Variants in ROBO2 observed in about 807,000 individuals in gnomAD.
ROBO2 encodes the protein roundabout guidance receptor 2.
Under a neutral mutation model 160.8 loss-of-function variants are expected in ROBO2, and 53 were observed. The observed-to-expected ratio is 0.33, with a 90% CI of 0.26 to 0.41. The LOEUF (loss-of-function observed/expected upper bound fraction) is 0.41, where lower values mean the gene tolerates loss of function less well. ROBO2 is among the 10% of genes least tolerant of loss of function. The pLI is 1.00. For missense variants in ROBO2, 1,577 were observed against 1,722.4 expected (o/e 0.92, Z 1.49); for synonymous variants, 664 against 611.7 (o/e 1.09, Z -1.26).
chr3:77,155,448 C>A (rs914412167), intron 2 of ROBO2, among the ~76,000 whole-genome samples: 1 of 151,920 alleles, frequency 6.6e-6, no homozygotes, highest in African/African-American at 2.4e-5. Context: ...AAAGTGCCTG[C>A]CAACCAGGAA....
chr3:76,921,901 T>A (rs997309918), intron 2 of ROBO2, among the ~76,000 whole-genome samples: 2 of 152,210 alleles, frequency 1.3e-5, no homozygotes, highest in African/African-American at 4.8e-5. Context: ...TAAAATGCAT[T>A]GAGATGTGAA....
intron 2 of ROBO2, among the ~76,000 whole-genome samples, chr3:77,145,874 T>A (rs2077080318): frequency 6.6e-6 from 1 of 152,198 alleles, no homozygotes; most frequent in East Asian, 1.9e-4. Flanking sequence ...TGCTGTTTGT[T>A]GGTTGAACAT....
intron 2 of ROBO2, among the ~76,000 whole-genome samples, chr3:76,012,325 A>T (rs1240900947): frequency 2.6e-5 from 4 of 152,192 alleles, no homozygotes; most frequent in Non-Finnish European, 5.9e-5. Context: ...ATTTAAAGGA[A>T]AACTGTAACT....
chr3:77,572,582 G>A lies in ROBO2; in HGVS notation c.1972-1917G>A, dbSNP rs2093663474. ...GTGAGAAAGCTTTCAGGTGGGTGAA[G>A]GAATTCATTCTTGTTGAGACTTATC... On this transcript the variant is annotated intron_variant, in intron 13 of 25. Coordinates refer to ENST00000461745, the Ensembl canonical transcript of ROBO2. Among the ~76,000 whole-genome samples the A allele has an allele frequency of 4.0e-5, 6 of 150,598 alleles. No homozygotes were observed. The Admixed American group carries it at 4.0e-4, about 10-fold the overall frequency.
chr3:75,991,714 C>T (rs1354101561), intron 2 of ROBO2, among the ~76,000 whole-genome samples: 1 of 151,978 alleles, frequency 6.6e-6, no homozygotes, highest in Admixed American at 6.6e-5. Context: ...GAGGTTGGAA[C>T]AGTTGGGAGG....
intron 2 of ROBO2, among the ~76,000 whole-genome samples, chr3:77,338,485 C>T (rs539180176): frequency 5.9e-5 from 9 of 152,140 alleles, no homozygotes; most frequent in East Asian, 1.9e-4. Context: ...AAAGATAAAA[C>T]GCAGAAAGCA....
intron 2 of ROBO2, among the ~76,000 whole-genome samples, chr3:77,254,680 T>G (rs1345823154): frequency 6.6e-6 from 1 of 152,216 alleles, no homozygotes; most frequent in African/African-American, 2.4e-5. Context: ...CAAACAAGAT[T>G]GAGAAGTTAA....
At chr3:77,003,202 A>G (rs115214924) in intron 2 of ROBO2, among the ~76,000 whole-genome samples, 5,416 of 152,286 alleles carry the variant, frequency 0.036, 314 homozygotes, top group African/African-American at 0.12. Context: ...AATAAGAATC[A>G]GCACATTACT....
chr3:77,161,483 T>G (rs946997515), intron 2 of ROBO2, among the ~76,000 whole-genome samples: 2 of 152,216 alleles, frequency 1.3e-5, no homozygotes, highest in African/African-American at 4.8e-5. Context: ...AAACTAAGGT[T>G]AAAAGATTTT....
In ROBO2 at chr3:77,018,164, G is replaced by A. The variant is rs538272519; in HGVS notation, c.110-79850G>A. ...GTCGCCCAGGCTGGAGTGCAGTGGC[G>A]CAATCTCAGCTCACCACAAACCCAG... On this transcript the variant is annotated intron_variant, in intron 2 of 26. Transcript: ENST00000487694. Among the ~76,000 whole-genome samples, 135 of 152,164 alleles carry A rather than the reference G, an allele frequency of 8.9e-4. 5 individuals are homozygous for A. The South Asian group carries it at 0.027, about 30-fold the overall frequency.
chr3:77,295,411 T>C (rs1467375315), intron 2 of ROBO2, among the ~76,000 whole-genome samples: 2 of 149,164 alleles, frequency 1.3e-5, no homozygotes, highest in African/African-American at 5.1e-5. Flanking sequence ...TAAAGTAAAA[T>C]TGATGGTTAA....
chr3:76,893,429 G>C lies in ROBO2; in HGVS notation c.110-204585G>C, dbSNP rs187817710. 9.7e-4 allele frequency among the ~76,000 whole-genome samples: 148 copies of C among 151,964 alleles called. 1 individual carries two copies. The East Asian group carries it at 0.011, about 12-fold the overall frequency. On this transcript the variant is annotated intron_variant, in intron 2 of 26. Transcript: ENST00000487694. Reference sequence around the variant, plus strand: ...AGCAGGATGGCTAGGAATTACCTTGGTGATGAAAAAAATGACTCCTTCAAA... The same window carrying C: ...AGCAGGATGGCTAGGAATTACCTTGCTGATGAAAAAAATGACTCCTTCAAA...
chr3:76,808,286 C>T (rs1189266470), intron 2 of ROBO2, among the ~76,000 whole-genome samples: 6 of 152,174 alleles, frequency 3.9e-5, no homozygotes, highest in East Asian at 3.9e-4. Flanking sequence ...CGTGCACACT[C>T]GTAAACTGAA....
intron 2 of ROBO2, among the ~76,000 whole-genome samples, chr3:77,283,207 G>C (rs565570366): frequency 6.6e-6 from 1 of 152,106 alleles, no homozygotes; most frequent in African/African-American, 2.4e-5. Flanking sequence ...ATCTAATTGT[G>C]TAAATACTGT....
intron 6 of ROBO2, among the ~76,000 whole-genome samples, chr3:77,525,997 A>T (rs535573858): frequency 4.5e-4 from 68 of 151,506 alleles, no homozygotes; most frequent in African/African-American, 1.5e-3. Flanking sequence ...TTAGTCTGTT[A>T]TCTCTTTTTG....
chr3:76,182,119 GC>G (rs1160829989), intron 2 of ROBO2, among the ~76,000 whole-genome samples: 2 of 152,144 alleles, frequency 1.3e-5, no homozygotes, highest in African/African-American at 4.8e-5. Context: ...AGTTGTAGCA[GC>G]CTAGACGCTG....
chr3:76,236,293 T>A (rs960398198), intron 2 of ROBO2, among the ~76,000 whole-genome samples: 1 of 152,136 alleles, frequency 6.6e-6, no homozygotes, highest in African/African-American at 2.4e-5. Context: ...TCTTTTGTGT[T>A]TAAAAATACT....
intron 2 of ROBO2, among the ~76,000 whole-genome samples, chr3:76,850,717 A>T (rs913324211): frequency 6.6e-6 from 1 of 152,186 alleles, no homozygotes; most frequent in Non-Finnish European, 1.5e-5. Context: ...GCTTTCAAGC[A>T]GTGACACACC....
chr3:76,996,762 T>C (rs2061037535), intron 2 of ROBO2, among the ~76,000 whole-genome samples: 1 of 152,172 alleles, frequency 6.6e-6, no homozygotes, highest in East Asian at 1.9e-4. Context: ...TGAAAGAGAG[T>C]TTAACAAAGT....
Sources: allele counts gnomAD v4.1 joint callset (sites outside exome capture counted in the v4.1 genomes callset), GRCh38; gene constraint gnomAD v4.1.1; transcripts MANE v1.5; gene names NCBI Gene and HGNC (gene_info 2026-07-23, HGNC 2026-07-21).